CLASP1: variants seen among roughly 807,000 people sequenced by gnomAD.
The protein encoded by CLASP1 is CLIP-associating protein 1.
In CLASP1, 38 loss-of-function variants were observed where a neutral mutation model predicts 192.3. That is an observed-to-expected ratio of 0.20 (90% CI 0.15 to 0.26). CLASP1 has a LOEUF of 0.26. Ranked by LOEUF, CLASP1 falls within the 10% of genes least tolerant of loss-of-function variation. The pLI is 1.00. For missense variants in CLASP1, 1,433 were observed against 1,932.5 expected (o/e 0.74, Z 4.85); for synonymous variants, 691 against 712.8 (o/e 0.97, Z 0.49).
chr2:121,457,458 T>TACAA (rs1553544428), intron 14 of CLASP1, among the ~76,000 whole-genome samples: 1 of 143,450 alleles, frequency 7.0e-6, no homozygotes, highest in African/African-American at 2.5e-5. Context: ...CACACAGACA[T>TACAA]ACACACACAC....
chr2:121,381,873 C>T (rs933058934), intron 33 of CLASP1, among the ~76,000 whole-genome samples: 2 of 152,196 alleles, frequency 1.3e-5, no homozygotes, highest in African/African-American at 4.8e-5. Context: ...ACTGCTCCCA[C>T]TATTGCCCAC....
intron 1 of CLASP1, among the ~76,000 whole-genome samples, chr2:121,623,834 C>G (rs2067819490): frequency 6.6e-6 from 1 of 152,162 alleles, no homozygotes; most frequent in Non-Finnish European, 1.5e-5. Flanking sequence ...AGCAACAGAG[C>G]AAGACTCCAT....
At chr2:121,630,332 CA>C (rs1368359948) in intron 1 of CLASP1, among the ~76,000 whole-genome samples, 1 of 150,756 alleles carries the variant, frequency 6.6e-6, no homozygotes, top group African/African-American at 2.4e-5. Context: ...TCCATTACTA[CA>C]AGTATTGAAA....
In CLASP1 at chr2:121,451,005, A is replaced by C; in HGVS notation, c.1446-15T>G. On this transcript the variant is annotated splice_polypyrimidine_tract_variant and intron_variant, in intron 15 of 39. Transcript: ENST00000263710. ...CTGATATGTGTCTAGATATTTAGAA[A>C]AGAAAGCAGTAACAATCATAAATGT... 1 of 1,484,686 alleles carries C rather than the reference A, an allele frequency of 6.7e-7. No individual in the cohort carries two copies. The allele number at this position is 1,484,686 out of a possible 1,614,324, so 92.0% of individuals were successfully genotyped here.
chr2:121,582,528 AAGAC>A lies in CLASP1; in HGVS notation c.195+23169_195+23172del, dbSNP rs376604224. Among the ~76,000 whole-genome samples, 793 of 151,578 alleles carry A rather than the reference AAGAC, an allele frequency of 5.2e-3. 11 individuals carry two copies. Among genetic ancestry groups the A allele is most frequent in the African/African-American group, 0.018 (752 of 41,300 alleles). On this transcript the variant is annotated intron_variant, in intron 2 of 39. Transcript: ENST00000263710. ...AAGAAAGAGAGGAGAGAGAGAAAGA[AAGAC>A]AGAAAGAAAGGCAGAAAAGAGGGAA...
At chr2:121,626,037 C>CT in intron 1 of CLASP1, among the ~76,000 whole-genome samples, 1 of 151,192 alleles carries the variant, frequency 6.6e-6, no homozygotes, top group South Asian at 2.1e-4. Context: ...GAGGCAGAGG[C>CT]TGCAGTGAGC....
At chr2:121,443,061 T>C (rs1281773745) in intron 19 of CLASP1, among the ~76,000 whole-genome samples, 4 of 152,168 alleles carry the variant, frequency 2.6e-5, no homozygotes, top group Admixed American at 2.6e-4. Flanking sequence ...TCACAGGTCT[T>C]TCCAGGCTTT....
chr2:121,587,162 A>C (rs997961117), intron 2 of CLASP1, among the ~76,000 whole-genome samples: 5 of 152,034 alleles, frequency 3.3e-5, no homozygotes, highest in Non-Finnish European at 7.4e-5. Flanking sequence ...AATTGCCTGA[A>C]CCTGGAAGGC....
exon 40 of CLASP1, chr2:121,340,803 G>T: frequency 7.6e-7 from 1 of 1,314,428 alleles, no homozygotes; most frequent in East Asian, 2.4e-5. Context: ...GGTGGGGAAA[G>T]GTCTCTGAGA....
At chr2:121,515,744 T>C in exon 7 of CLASP1, 1 of 1,613,934 alleles carries the variant, frequency 6.2e-7, no homozygotes, top group South Asian at 1.1e-5. Flanking sequence ...ACTAAGCTGT[T>C]TATTGCTGCA....
chr2:121,613,487 C>G (rs1304468040), intron 1 of CLASP1, among the ~76,000 whole-genome samples: 1 of 152,176 alleles, frequency 6.6e-6, no homozygotes, highest in Non-Finnish European at 1.5e-5. Context: ...AAAAAGACAT[C>G]TTGATGTAAT....
chr2:121,397,292 A>C lies in CLASP1; in HGVS notation c.2980-9T>G. Reference sequence around the variant, plus strand: ...AGGATTGCAACTTTGACCTGAAAGAACCAATAATTATAAACATTAAGTACA... The same window carrying C: ...AGGATTGCAACTTTGACCTGAAAGACCCAATAATTATAAACATTAAGTACA... On this transcript the variant is annotated splice_polypyrimidine_tract_variant and intron_variant, in intron 29 of 39. Coordinates refer to ENST00000263710, the Ensembl canonical transcript of CLASP1. 1 of 1,611,366 alleles carries C rather than the reference A, an allele frequency of 6.2e-7. No homozygotes were observed. Among genetic ancestry groups the C allele is most frequent in the Non-Finnish European group, 8.5e-7 (1 of 1,177,870 alleles).
intron 37 of CLASP1, among the ~76,000 whole-genome samples, chr2:121,355,744 A>T (rs542693226): frequency 1.3e-5 from 2 of 152,384 alleles, no homozygotes; most frequent in African/African-American, 4.8e-5. Flanking sequence ...TGGGCAGCAG[A>T]AACAAAGGAA....
At position 121,407,884 on chromosome 2, in the gene CLASP1, G is replaced by A. The variant is rs763748352; in HGVS notation, c.2425-169C>T. The A allele has an allele frequency of 1.4e-5, 12 of 867,036 alleles. No homozygotes were observed. The East Asian group carries it at 2.7e-4, about 19-fold the overall frequency. 53.7% of individuals were successfully genotyped at this position (867,036 alleles called of 1,614,324 possible). A position where few individuals can be genotyped will look rare whatever the true frequency, so the allele number is the denominator to read the frequency against. On this transcript the variant is annotated intron_variant, in intron 24 of 39. Transcript: ENST00000263710. ...TTAGGGAAATAAAAACAGAAAAGCAGTTTTCCATTAGGTAAATAAGCAAAG... is the reference window on the plus strand; with the variant it reads ...TTAGGGAAATAAAAACAGAAAAGCAATTTTCCATTAGGTAAATAAGCAAAG...
chr2:121,382,302 C>T (rs764058169), exon 33 of CLASP1: 8 of 1,584,420 alleles, frequency 5.0e-6, no homozygotes, highest in African/African-American at 1.3e-5. Flanking sequence ...GCTAACCCGT[C>T]GGCACTCCAA....
chr2:121,384,003 TATATACAC>T (rs1485884321), intron 32 of CLASP1, among the ~76,000 whole-genome samples: 4 of 138,162 alleles, frequency 2.9e-5, no homozygotes, highest in African/African-American at 1.1e-4. Context: ...TATATATATA[TATATACAC>T]ACACACACAC....
chr2:121,581,089 G>A (rs2061083975), intron 2 of CLASP1, among the ~76,000 whole-genome samples: 1 of 152,034 alleles, frequency 6.6e-6, no homozygotes, highest in South Asian at 2.1e-4. Flanking sequence ...GTTTACCTGT[G>A]TGTCATTTTG....
intron 30 of CLASP1, 144 bp downstream of exon 31, chr2:121,396,996 A>G: frequency 1.4e-6 from 1 of 714,404 alleles, no homozygotes; most frequent in East Asian, 2.6e-5. Flanking sequence ...AACTGGGCAG[A>G]GCTGGAGAGA....
chr2:121,401,004 G>T (rs1293445183), intron 28 of CLASP1, among the ~76,000 whole-genome samples: 1 of 152,194 alleles, frequency 6.6e-6, no homozygotes, highest in East Asian at 1.9e-4. Context: ...CTGGGCTTCA[G>T]CAGCTTTTCT....
Sources: allele counts gnomAD v4.1 joint callset (sites outside exome capture counted in the v4.1 genomes callset), GRCh38; gene constraint gnomAD v4.1.1; transcripts MANE v1.5; gene names NCBI Gene and HGNC (gene_info 2026-07-23, HGNC 2026-07-21).